The following TULP4 variants were observed in gnomAD, a reference collection of about 807,000 sequenced individuals.
The protein encoded by TULP4 is tubby-related protein 4.
A neutral mutation model predicts 129.0 loss-of-function variants in TULP4; 16 were observed. The observed-to-expected ratio is 0.12, with a 90% confidence interval of 0.08 to 0.19. TULP4 has a LOEUF of 0.19. TULP4 is among the 10% of genes least tolerant of loss of function. The pLI, the probability that TULP4 is intolerant of heterozygous loss-of-function variation, is 1.00. For missense variants in TULP4, 1,842 were observed against 2,059.1 expected (o/e 0.89, Z 2.04); for synonymous variants, 998 against 854.0 (o/e 1.17, Z -2.94).
In TULP4 at chr6:158,252,479, G is replaced by A. The variant is rs189103959; in HGVS notation, n.68+20176G>A. ...CAGCCTTCGCCTCCTGGGTTCAAGC[G>A]ATTCTCCTGTCTCAGCCTCCCAAGT... On this transcript the variant is annotated intron_variant and non_coding_transcript_variant, in intron 1 of 1. Transcript: ENST00000620026. 1.6e-3 allele frequency among the ~76,000 whole-genome samples: 240 copies of A among 152,126 alleles called. 2 individuals carry two copies. The highest frequency in any genetic ancestry group is 5.1e-3 in the African/African-American group (213 of 41,504).
chr6:158,296,277 T>A (rs978309511), intron 1 of TULP4, among the ~76,000 whole-genome samples: 2 of 152,158 alleles, frequency 1.3e-5, no homozygotes, highest in Non-Finnish European at 2.9e-5. Flanking sequence ...TCCTCCCATA[T>A]TGGGGGAACC....
chr6:158,312,288 T>C, upstream of TULP4: 1 of 395,492 alleles, frequency 2.5e-6, no homozygotes, highest in African/African-American at 2.1e-5. Context: ...ACCAGTGGGC[T>C]CAGGAGCCCG....
At chr6:158,302,303 C>T (rs941159612) in intron 1 of TULP4, among the ~76,000 whole-genome samples, 24 of 152,066 alleles carry the variant, frequency 1.6e-4, no homozygotes, top group Non-Finnish European at 2.2e-4. Flanking sequence ...TTTCACAATT[C>T]GATTTATGTA....
chr6:158,501,598 A>C (rs1262088499), intron 12 of TULP4, 80 bp from the exon 13 acceptor site: 84 of 1,351,998 alleles, frequency 6.2e-5, no homozygotes, highest in Non-Finnish European at 7.6e-5. Flanking sequence ...AGACTGGATG[A>C]GTCCAGACGT....
At position 158,383,671 on chromosome 6, in the gene TULP4, G is replaced by A. The variant is rs578129726; in HGVS notation, c.253-29394G>A. Among the ~76,000 whole-genome samples, 219 of 152,320 alleles carry A rather than the reference G, an allele frequency of 1.4e-3. 1 individual carries two copies. Among genetic ancestry groups the A allele is most frequent in the Middle Eastern group, 3.4e-3 (1 of 294 alleles). On this transcript the variant is annotated intron_variant, in intron 1 of 13. Transcript: ENST00000367097. The stretch of plus-strand genomic sequence containing the variant: ...AAGAGCTTGAGGGATGCAGGAGAGC[G>A]AGTCAGGCCATTCTCAGTGTGAAGG...
Position 158,502,297 on chromosome 6 carries a change from C to G in TULP4, c.2634C>G (p.His878Gln), listed in dbSNP as rs779257037. ...GDFSLYPTSV[H>Q]YQTPLGYERI... ...TCTCCCTCTACCCCACGTCAGTGCA[C>G]TACCAGACCCCCCTGGGCTATGAGA... is the stretch of plus-strand genomic sequence containing the variant. The change falls in exon 13 of 14, where the codon CAC becomes CAG. Residue 878 changes from histidine to glutamine, a missense_variant. Transcript: ENST00000367097. 4.3e-6 allele frequency: 7 copies of G among 1,613,146 alleles called. No individual in the cohort carries two copies. In the Admixed American group the frequency reaches 5.0e-5, roughly 12 times the overall value.
chr6:158,266,898 G>A (rs1004950610), intron 1 of TULP4, among the ~76,000 whole-genome samples: 2 of 152,094 alleles, frequency 1.3e-5, no homozygotes, highest in Admixed American at 1.3e-4. Context: ...AGCCATCATC[G>A]CTATCCATCT....
At chr6:158,281,499 G>T (rs879913417), upstream of TULP4, among the ~76,000 whole-genome samples, 1 of 152,082 alleles carries the variant, frequency 6.6e-6, no homozygotes. Flanking sequence ...TTCCATTCCG[G>T]TTTTTATCCT....
chr6:158,344,150 G>A (rs1009617863), intron 1 of TULP4, among the ~76,000 whole-genome samples: 3 of 151,970 alleles, frequency 2.0e-5, no homozygotes, highest in African/African-American at 7.3e-5. Flanking sequence ...AATGTTCTTT[G>A]TGAGATCCAC....
chr6:158,341,168 A>G (rs918199706), intron 1 of TULP4, among the ~76,000 whole-genome samples: 10 of 152,088 alleles, frequency 6.6e-5, no homozygotes, highest in Admixed American at 3.9e-4. Flanking sequence ...GCTCCTACGT[A>G]TGAGTGAAAA....
At chr6:158,263,663 G>A (rs1334029941) in intron 1 of TULP4, among the ~76,000 whole-genome samples, 2 of 152,166 alleles carry the variant, frequency 1.3e-5, no homozygotes, top group African/African-American at 4.8e-5. Flanking sequence ...GAGTAAGGTG[G>A]GAAGATCGCT....
intron 1 of TULP4, chr6:158,238,199 A>G (rs1777758621): frequency 6.2e-6 from 5 of 811,792 alleles, no homozygotes; most frequent in Non-Finnish European, 1.1e-5. Context: ...CAACTGTGCC[A>G]TGGTCAGCTT....
chr6:158,237,325 G>A, intron 1 of TULP4: 3 of 1,606,716 alleles, frequency 1.9e-6, no homozygotes, highest in Non-Finnish European at 1.7e-6. Flanking sequence ...CCTTCAACAA[G>A]AATATTCTCA....
chr6:158,247,934 C>A (rs2128450391), intron 1 of TULP4, among the ~76,000 whole-genome samples: 1 of 152,292 alleles, frequency 6.6e-6, no homozygotes, highest in African/African-American at 2.4e-5. Context: ...TCTTAAGCTT[C>A]AAATGACCCT....
Position 158,429,917 on chromosome 6 carries a change from G to T in TULP4, c.543+20G>T, listed in dbSNP as rs1424831737. 3.1e-6 allele frequency: 5 copies of T among 1,610,992 alleles called. No individual in the cohort carries two copies. Among genetic ancestry groups the T allele is most frequent in the Non-Finnish European group, 3.4e-6 (4 of 1,178,506 alleles). On this transcript the variant is annotated intron_variant, in intron 3 of 13. Transcript: ENST00000367097. Reference sequence around the variant, plus strand: ...CAACAGGTAACACTTCTGAAATGTGGTGGGTGTGTGACGTTAAAACCATGA... The same window carrying T: ...CAACAGGTAACACTTCTGAAATGTGTTGGGTGTGTGACGTTAAAACCATGA...
chr6:158,357,180 G>A (rs1031268065), intron 1 of TULP4, among the ~76,000 whole-genome samples: 11 of 152,228 alleles, frequency 7.2e-5, no homozygotes, highest in African/African-American at 2.7e-4. Context: ...GCTATTGCTA[G>A]GAGTTGTATT....
intron 1 of TULP4, among the ~76,000 whole-genome samples, chr6:158,392,985 TAAA>T (rs57349259): frequency 0.24 from 32,849 of 138,388 alleles, 4,620 homozygotes; most frequent in Middle Eastern, 0.34. Context: ...TGTCTGTATT[TAAA>T]AAAAAAAAAA....
chr6:158,474,268 C>T (rs144577327), intron 6 of TULP4, among the ~76,000 whole-genome samples: 4 of 152,300 alleles, frequency 2.6e-5, no homozygotes, highest in Non-Finnish European at 4.4e-5. Flanking sequence ...GAGAGGGAGG[C>T]TGGAGAGCCT....
At chr6:158,333,045 C>T (rs915377325) in intron 1 of TULP4, among the ~76,000 whole-genome samples, 2 of 152,088 alleles carry the variant, frequency 1.3e-5, no homozygotes, top group South Asian at 2.1e-4. Flanking sequence ...TCCCCCATTT[C>T]GTTTTTGTAA....
Sources: allele counts gnomAD v4.1 joint callset (sites outside exome capture counted in the v4.1 genomes callset), GRCh38; gene constraint gnomAD v4.1.1; transcripts MANE v1.5; gene names NCBI Gene and HGNC (gene_info 2026-07-23, HGNC 2026-07-21).